INPP4A: variants seen among roughly 807,000 people sequenced by gnomAD.
The protein encoded by INPP4A is inositol polyphosphate-4-phosphatase type I A, also known as inositol polyphosphate-4-phosphatase, type I, 107kD.
Under a neutral mutation model 119.8 loss-of-function variants are expected in INPP4A, and 33 were observed. The observed-to-expected ratio is 0.28, with a 90% confidence interval of 0.21 to 0.37. The LOEUF is 0.37. INPP4A is among the 10% of genes least tolerant of loss of function. INPP4A has a pLI of 1.00. For synonymous variants in INPP4A, 496 were observed against 500.7 expected (o/e 0.99, Z 0.12); for missense variants, 956 against 1,289.9 (o/e 0.74, Z 3.97).
Position 98,593,335 on chromosome 2 carries a change from C to T in INPP4A, c.*5727C>T, listed in dbSNP as rs1700482034. ...ACACAGCACTTCACTGCTTCCTCCT[C>T]CTCGCCACCCAGCCCTCCCTCGGTG... On this transcript the variant is annotated 3_prime_UTR_variant, in exon 25 of 25. Transcript: ENST00000409851. 1 of 152,682 alleles carries T rather than the reference C, an allele frequency of 6.5e-6. No individual in the cohort carries two copies. The highest frequency in any genetic ancestry group is 2.1e-4 in the South Asian group (1 of 4,828). The allele number at this position is 152,682 out of a possible 1,614,324, so 9.5% of individuals were successfully genotyped here.
chr2:98,485,061 C>T (rs1679269235), intron 1 of INPP4A, among the ~76,000 whole-genome samples: 1 of 151,736 alleles, frequency 6.6e-6, no homozygotes, highest in African/African-American at 2.4e-5. Context: ...TGTGTGTGTC[C>T]TGGTAGCTGA....
chr2:98,562,146 C>A (rs1291805048), intron 17 of INPP4A, among the ~76,000 whole-genome samples: 1 of 152,222 alleles, frequency 6.6e-6, no homozygotes, highest in Non-Finnish European at 1.5e-5. Flanking sequence ...TTTGCTAAGA[C>A]CTGTCTGCTG....
At chr2:98,444,590 T>A (rs925659257), upstream of INPP4A, among the ~76,000 whole-genome samples, 3 of 152,164 alleles carry the variant, frequency 2.0e-5, no homozygotes, top group Non-Finnish European at 4.4e-5. Context: ...CTCAGATGCC[T>A]CAGTGGATGA....
intron 9 of INPP4A, 112 bp from the exon 10 acceptor site, chr2:98,539,416 C>A: frequency 8.6e-7 from 1 of 1,167,606 alleles, no homozygotes; most frequent in Non-Finnish European, 1.2e-6. Context: ...ATGAGATGAA[C>A]AGTGAGAGGA....
At chr2:98,498,072 G>A (rs1682390221) in intron 1 of INPP4A, among the ~76,000 whole-genome samples, 1 of 152,114 alleles carries the variant, frequency 6.6e-6, no homozygotes, top group African/African-American at 2.4e-5. Context: ...TAAGACTTTG[G>A]GGGACTGTTG....
chr2:98,470,463 G>T (rs980175203), intron 1 of INPP4A, among the ~76,000 whole-genome samples: 2 of 152,192 alleles, frequency 1.3e-5, no homozygotes, highest in African/African-American at 2.4e-5. Context: ...GGCATGGCCC[G>T]CTGGGCTTCG....
At chr2:98,529,226 G>A (rs1688747813) in intron 4 of INPP4A, among the ~76,000 whole-genome samples, 1 of 152,150 alleles carries the variant, frequency 6.6e-6, no homozygotes. Flanking sequence ...TTTATAATGT[G>A]CTAATTGAAG....
chr2:98,511,149 T>C (rs1210414792), intron 1 of INPP4A, among the ~76,000 whole-genome samples: 1 of 151,848 alleles, frequency 6.6e-6, no homozygotes. Flanking sequence ...AACCTCCACC[T>C]CCCGGGTTAA....
At position 98,594,199 on chromosome 2, in the gene INPP4A, CAG is replaced by C. The variant is rs1304042142; in HGVS notation, c.*6594_*6595del. ...AAAGGTCAAAGGAGAAGGCAAATGG[CAG>C]AGTGTGGTAAAGGGGCGAGTGAGAG... On this transcript the variant is annotated 3_prime_UTR_variant, in exon 25 of 25. Coordinates refer to ENST00000409851, the MANE Select transcript of INPP4A (RefSeq NM_001134225.2). 3.3e-5 allele frequency: 5 copies of C among 152,138 alleles called. No individual in the cohort carries two copies. Among genetic ancestry groups the C allele is most frequent in the South Asian group, 2.1e-4 (1 of 4,826 alleles). 9.4% of individuals were successfully genotyped at this position (152,138 alleles called of 1,614,324 possible). A position where few individuals can be genotyped will look rare whatever the true frequency, so the allele number is the denominator to read the frequency against.
chr2:98,568,502 A>G (rs979584702), intron 21 of INPP4A, 69 bp from the exon 22 acceptor site: 8 of 740,930 alleles, frequency 1.1e-5, no homozygotes, highest in South Asian at 1.6e-5. Flanking sequence ...GTTAGCTTCC[A>G]TGCAGTTGTG....
At position 98,546,340 on chromosome 2, in the gene INPP4A, G is replaced by GT. The variant is rs1319998411; in HGVS notation, c.1055-244dup. ...TTCCCAAGGAGGGATGCAAACGGGAGTTACAGGGTGGCTTCCTGCAGCCCT... is the reference window on the plus strand; with the variant it reads ...TTCCCAAGGAGGGATGCAAACGGGAGTTTACAGGGTGGCTTCCTGCAGCCCT... On this transcript the variant is annotated intron_variant, in intron 12 of 24. Transcript: ENST00000409851. This position sits in a 1 kb window ranked among gnomAD's most constrained non-coding sequence, Gnocchi z 4.2. Among the ~76,000 whole-genome samples, 3 of 152,252 alleles carry GT rather than the reference G, an allele frequency of 2.0e-5. No homozygotes were observed. Among genetic ancestry groups the GT allele is most frequent in the Admixed American group, 1.3e-4 (2 of 15,292 alleles).
Position 98,546,545 on chromosome 2 carries a change from C to G in INPP4A, c.1055-41C>G. ...TCCCTATAGCTGGCTTGTCCACAGG[C>G]CTGAGCCCAGAGTAATGGAGGAGAG... On this transcript the variant is annotated intron_variant, in intron 12 of 24. Transcript: ENST00000409851. This position sits in a 1 kb window ranked among gnomAD's most constrained non-coding sequence, Gnocchi z 4.2. The G allele has an allele frequency of 2.1e-6, 3 of 1,455,772 alleles. No individual in the cohort carries two copies. Among genetic ancestry groups the G allele is most frequent in the Non-Finnish European group, 2.9e-6 (3 of 1,038,612 alleles). 90.2% of individuals were successfully genotyped at this position (1,455,772 alleles called of 1,614,324 possible).
intron 1 of INPP4A, among the ~76,000 whole-genome samples, chr2:98,494,239 A>G (rs1681451549): frequency 6.6e-6 from 1 of 152,186 alleles, no homozygotes; most frequent in African/African-American, 2.4e-5. Flanking sequence ...TACCTCCAGC[A>G]AGGCTGCATG....
At chr2:98,524,341 A>G (rs943152013) in intron 4 of INPP4A, among the ~76,000 whole-genome samples, 2 of 152,244 alleles carry the variant, frequency 1.3e-5, no homozygotes, top group Non-Finnish European at 2.9e-5. Flanking sequence ...TTCTATGGAA[A>G]TATGCCAAAT....
At chr2:98,582,749 C>T (rs1699500451) in intron 24 of INPP4A, among the ~76,000 whole-genome samples, 1 of 151,522 alleles carries the variant, frequency 6.6e-6, no homozygotes, top group Non-Finnish European at 1.5e-5. Context: ...CTGCATACGC[C>T]AGACACAGAT....
chr2:98,538,756 A>G, intron 8 of INPP4A, 135 bp from the exon 9 acceptor site: 1 of 582,090 alleles, frequency 1.7e-6, no homozygotes, highest in Non-Finnish European at 3.1e-6. Context: ...TGGGCAGCAT[A>G]TTTATTGTAG....
At chr2:98,506,791 A>G (rs1248350186) in intron 1 of INPP4A, among the ~76,000 whole-genome samples, 1 of 152,156 alleles carries the variant, frequency 6.6e-6, no homozygotes, top group Non-Finnish European at 1.5e-5. Context: ...TCCTGGGCAC[A>G]TTTGGACTTT....
chr2:98,579,581 G>C (rs766174380), intron 24 of INPP4A, among the ~76,000 whole-genome samples: 1 of 152,218 alleles, frequency 6.6e-6, no homozygotes, highest in Admixed American at 6.5e-5. Context: ...CAGAGTGCAC[G>C]AGGCACTGCC....
chr2:98,593,707 A>G lies in INPP4A; in HGVS notation c.*6099A>G, dbSNP rs1468720976. Reference sequence around the variant, plus strand: ...TCTCCCTCTAATAGACGACCTTGGGATCATTTTCTCCTCCACATCCCATCA... The same window carrying G: ...TCTCCCTCTAATAGACGACCTTGGGGTCATTTTCTCCTCCACATCCCATCA... On this transcript the variant is annotated 3_prime_UTR_variant, in exon 25 of 25. Coordinates refer to ENST00000409851, the MANE Select transcript of INPP4A (RefSeq NM_001134225.2). 6.6e-6 allele frequency: 1 copy of G among 152,248 alleles called. No homozygotes were observed. The highest frequency in any genetic ancestry group is 6.6e-5 in the Admixed American group (1 of 15,254). 9.4% of individuals were successfully genotyped at this position (152,248 alleles called of 1,614,324 possible). A position where few individuals can be genotyped will look rare whatever the true frequency, so the allele number is the denominator to read the frequency against.
Sources: allele counts gnomAD v4.1 joint callset (sites outside exome capture counted in the v4.1 genomes callset), GRCh38; gene constraint gnomAD v4.1.1; non-coding constraint Gnocchi (gnomAD v3.1); transcripts MANE v1.5; gene names NCBI Gene and HGNC (gene_info 2026-07-23, HGNC 2026-07-21).